The following BCL2L15 variants were observed in gnomAD, a reference collection of about 807,000 sequenced individuals.
BCL2L15 encodes BCL2 like 15.
Under a neutral mutation model 18.3 loss-of-function variants are expected in BCL2L15, and 15 were observed. The ratio of observed to expected loss-of-function variants is 0.82; its 90% CI spans 0.55 to 1.26. The LOEUF (loss-of-function observed/expected upper bound fraction) is 1.26, where lower values mean the gene tolerates loss of function less well. BCL2L15 is among the 50% of genes most tolerant of loss of function. BCL2L15 has a pLI of 0.00. For synonymous variants in BCL2L15, 58 were observed against 68.5 expected, an observed-to-expected ratio of 0.85 and a Z score of 0.76; for missense variants, 180 against 201.7, an observed-to-expected ratio of 0.89 and a Z score of 0.65.
chr1:113,881,055 C>T lies in BCL2L15; in HGVS notation c.*68G>A, dbSNP rs1666864323. ...GCTTTTTTATTTGTTTGTTTGAATT[C>T]CCAGGAATCAATCACCCAATCAGTC... is the stretch of plus-strand genomic sequence containing the variant. On this transcript the variant is annotated 3_prime_UTR_variant, in exon 4 of 4. Transcript: ENST00000393316. 2 of 1,610,308 alleles carry T rather than the reference C, an allele frequency of 1.2e-6. No homozygotes were observed. Among genetic ancestry groups the T allele is most frequent in the Non-Finnish European group, 1.7e-6 (2 of 1,177,016 alleles).
At chr1:113,886,733 A>C (rs1571515734) in intron 1 of BCL2L15, 75 bp from the exon 2 acceptor site, 1 of 1,437,724 alleles carries the variant, frequency 7.0e-7, no homozygotes, top group East Asian at 2.3e-5. Context: ...AATGAGAAAA[A>C]TTTGTCTTGT....
In BCL2L15 at chr1:113,887,563, G is replaced by A; in HGVS notation, c.-188C>T. The stretch of plus-strand genomic sequence containing the variant: ...CTCAGAAAGGTGGGACTTCTCAGAA[G>A]GATTACCTACTTGGAACTGGGGAGA... On this transcript the variant is annotated 5_prime_UTR_variant, in exon 1 of 4. Coordinates refer to ENST00000393316, the MANE Select transcript of BCL2L15 (RefSeq NM_001010922.3). 1 of 670,060 alleles carries A rather than the reference G, an allele frequency of 1.5e-6. No homozygotes were observed. Among genetic ancestry groups the A allele is most frequent in the Non-Finnish European group, 2.5e-6 (1 of 407,428 alleles). The allele number at this position is 670,060 out of a possible 1,614,324, so 41.5% of individuals were successfully genotyped here.
chr1:113,879,218 A>C lies in BCL2L15; in HGVS notation c.*1905T>G, dbSNP rs1666801012. 1 of 152,346 alleles carries C rather than the reference A, an allele frequency of 6.6e-6. No homozygotes were observed. Among genetic ancestry groups the C allele is most frequent in the South Asian group, 2.1e-4 (1 of 4,834 alleles). The allele number at this position is 152,346 out of a possible 1,614,324, so 9.4% of individuals were successfully genotyped here. On this transcript the variant is annotated 3_prime_UTR_variant, in exon 4 of 4. Transcript: ENST00000393316. ...ATATTTACTTCTCTGCATTTAGAGGAGATACATAGATGGCTGGCTGATAGA... is the reference window on the plus strand; with the variant it reads ...ATATTTACTTCTCTGCATTTAGAGGCGATACATAGATGGCTGGCTGATAGA...
Position 113,881,012 on chromosome 1 carries a change from T to C in BCL2L15, c.*111A>G, listed in dbSNP as rs1666863175. The C allele has an allele frequency of 2.0e-6, 3 of 1,483,064 alleles. No individual in the cohort carries two copies. Among genetic ancestry groups the C allele is most frequent in the South Asian group, 1.2e-5 (1 of 86,156 alleles). 91.9% of individuals were successfully genotyped at this position (1,483,064 alleles called of 1,614,324 possible). On this transcript the variant is annotated 3_prime_UTR_variant, in exon 4 of 4. Transcript: ENST00000393316. ...TAACTTATTCAGCTAAGTTCAGTTC[T>C]GATAAAATGAAAAAAGTGCTTTTTT... is the stretch of plus-strand genomic sequence containing the variant.
At chr1:113,886,505 C>T in intron 2 of BCL2L15, 32 bp downstream of exon 2, 2 of 1,585,078 alleles carry the variant, frequency 1.3e-6, no homozygotes, top group South Asian at 2.3e-5. Context: ...GAAAAAAAAG[C>T]AGCAAACAAT....
In BCL2L15 at chr1:113,879,804, A is replaced by G. The variant is rs1312638138; in HGVS notation, c.*1319T>C. On this transcript the variant is annotated 3_prime_UTR_variant, in exon 4 of 4. Transcript: ENST00000393316. Reference sequence around the variant, plus strand: ...TGTAGCACAAAAGCGGCCATGGACAATATGTAAACAAGTGAATGTTGCTCT... The same window carrying G: ...TGTAGCACAAAAGCGGCCATGGACAGTATGTAAACAAGTGAATGTTGCTCT... The G allele has an allele frequency of 6.6e-6, 1 of 152,230 alleles. No homozygotes were observed. The highest frequency in any genetic ancestry group is 2.4e-5 in the African/African-American group (1 of 41,450). The allele number at this position is 152,230 out of a possible 1,614,324, so 9.4% of individuals were successfully genotyped here.
At position 113,879,393 on chromosome 1, in the gene BCL2L15, T is replaced by A. The variant is rs1199706995; in HGVS notation, c.*1730A>T. On this transcript the variant is annotated 3_prime_UTR_variant, in exon 4 of 4. Transcript: ENST00000393316. ...GATGACTGCCTACTAATCTATTAGA[T>A]CATTAAGGACTATTTTGAGATACAA... is the stretch of plus-strand genomic sequence containing the variant. The A allele has an allele frequency of 6.6e-6, 1 of 152,362 alleles. No individual in the cohort carries two copies. Among genetic ancestry groups the A allele is most frequent in the African/African-American group, 2.4e-5 (1 of 41,456 alleles). The allele number at this position is 152,362 out of a possible 1,614,324, so 9.4% of individuals were successfully genotyped here.
rs78559267 is a variant in BCL2L15 at position 113,886,626 on chromosome 1, C to A, written c.160G>T (p.Ala54Ser). 1 of 1,611,886 alleles carries A rather than the reference C, an allele frequency of 6.2e-7. No homozygotes were observed. Among genetic ancestry groups the A allele is most frequent in the Non-Finnish European group, 8.5e-7 (1 of 1,179,406 alleles). ...TCACCCAACATCCGAAGGCGACCAG[C>A]AATGATAGCCACATCAAAAGAACAA... is the stretch of plus-strand genomic sequence containing the variant. ...EPCSFDVAII[A>S]GRLRMLGDQF... Residue 54 changes from alanine to serine, a missense_variant, in exon 2 of 4, where the codon GCT (alanine) becomes TCT (serine). Transcript: ENST00000393316.
chr1:113,884,490 G>A (rs760028337), intron 2 of BCL2L15, among the ~76,000 whole-genome samples: 1 of 152,072 alleles, frequency 6.6e-6, no homozygotes, highest in African/African-American at 2.4e-5. Context: ...TTACATTATC[G>A]GGACAAATGG....
In BCL2L15 at chr1:113,881,970, CCA is replaced by C; in HGVS notation, c.275_276del (p.Val92GlyfsTer17). ...GCACACCAGGTCTTGCTGAGAGATT[CCA>C]CAGTGTCCTGGAGTATAGCTCCTGT... ...GQTGAILQDT[V>X]ESLSKTWCAQ... is the part of the protein sequence containing the mutation. On this transcript the variant is annotated frameshift_variant, in exon 3 of 4. Transcript: ENST00000393316. LOFTEE classifies it high-confidence loss of function. 6.2e-7 allele frequency: 1 copy of C among 1,613,962 alleles called. No homozygotes were observed. The highest frequency in any genetic ancestry group is 8.5e-7 in the Non-Finnish European group (1 of 1,179,852).
chr1:113,885,664 C>T (rs947491656), intron 2 of BCL2L15, among the ~76,000 whole-genome samples: 7 of 152,140 alleles, frequency 4.6e-5, no homozygotes, highest in Admixed American at 3.9e-4. Flanking sequence ...TCAAGTGATC[C>T]GCCCGGCTAA....
chr1:113,882,567 C>T (rs191082950), intron 2 of BCL2L15, among the ~76,000 whole-genome samples: 34 of 152,260 alleles, frequency 2.2e-4, no homozygotes, highest in Admixed American at 6.5e-4. Flanking sequence ...ATCACTTGAA[C>T]CTGGGAGGCG....
At chr1:113,883,767 G>A (rs1479867281) in intron 2 of BCL2L15, among the ~76,000 whole-genome samples, 1 of 152,188 alleles carries the variant, frequency 6.6e-6, no homozygotes, top group Admixed American at 6.5e-5. Context: ...CTGGACAACA[G>A]AGTGAGACCC....
chr1:113,887,194 G>T, intron 1 of BCL2L15, 55 bp downstream of exon 1: 1 of 1,546,986 alleles, frequency 6.5e-7, no homozygotes, highest in Non-Finnish European at 8.9e-7. Flanking sequence ...CACTGCGCCC[G>T]GCTGAAAACA....
In BCL2L15 at chr1:113,877,163, G is replaced by A. The variant is rs538276719; in HGVS notation, c.*3960C>T. 5.3e-5 allele frequency among the ~76,000 whole-genome samples: 8 copies of A among 152,080 alleles called. No individual in the cohort carries two copies. Among genetic ancestry groups the A allele is most frequent in the African/African-American group, 1.7e-4 (7 of 41,400 alleles). ...GAATATGAAACATAGGGAACAGTAG[G>A]AGGAGGGCAGCTTTAGTGACTGGCT... On this transcript the variant is annotated 3_prime_UTR_variant, in exon 4 of 4. Transcript: ENST00000393316.
rs1666821952 is a variant in BCL2L15, at chr1:113,879,986, C to T, written c.*1137G>A. ...AGTTTAAAAGGTAGGTTCCTAGGCT[C>T]CAGCCTACCCCTACAGAATCAGAAT... On this transcript the variant is annotated 3_prime_UTR_variant, in exon 4 of 4. Coordinates refer to ENST00000393316, the MANE Select transcript of BCL2L15 (RefSeq NM_001010922.3). 6.6e-6 allele frequency: 1 copy of T among 152,192 alleles called. No homozygotes were observed. The highest frequency in any genetic ancestry group is 1.5e-5 in the Non-Finnish European group (1 of 68,034). 9.4% of individuals were successfully genotyped at this position (152,192 alleles called of 1,614,324 possible). A position where few individuals can be genotyped will look rare whatever the true frequency, so the allele number is the denominator to read the frequency against.
chr1:113,882,131 G>C, intron 2 of BCL2L15, 134 bp from the exon 3 acceptor site: 2 of 616,966 alleles, frequency 3.2e-6, no homozygotes, highest in Non-Finnish European at 5.6e-6. Context: ...GGAAATCTTA[G>C]AGAGTAGATG....
intron 2 of BCL2L15, among the ~76,000 whole-genome samples, chr1:113,884,729 ATT>A (rs35255785): frequency 2.0e-5 from 3 of 151,506 alleles, no homozygotes; most frequent in African/African-American, 4.9e-5. Flanking sequence ...TTCAAAATAT[ATT>A]TTTTTTTATT....
At chr1:113,885,768 C>A (rs1050271074) in intron 2 of BCL2L15, among the ~76,000 whole-genome samples, 1 of 151,986 alleles carries the variant, frequency 6.6e-6, no homozygotes, top group African/African-American at 2.4e-5. Context: ...ATGGGCCAGG[C>A]GCGGTGGCTC....
Sources: gnomAD v4.1 joint callset for allele counts (sites outside exome capture counted in the v4.1 genomes callset) on GRCh38, gnomAD v4.1.1 for gene constraint, MANE v1.5 for transcripts, NCBI Gene and HGNC (gene_info 2026-07-23, HGNC 2026-07-21) for gene names.